Variants in MTHFD2L observed in about 807,000 individuals in gnomAD.
MTHFD2L encodes bifunctional methylenetetrahydrofolate dehydrogenase/cyclohydrolase 2, mitochondrial.
A neutral mutation model predicts 34.9 loss-of-function variants in MTHFD2L; 29 were observed. The observed-to-expected ratio is 0.83, with a 90% CI of 0.62 to 1.13. MTHFD2L has a LOEUF of 1.13. Among genes scored for constraint, MTHFD2L ranks in the 50% most tolerant of loss-of-function variants. The pLI, the probability that MTHFD2L is intolerant of heterozygous loss-of-function variation, is 0.00. For synonymous variants in MTHFD2L, 167 were observed against 155.7 expected, an observed-to-expected ratio of 1.07 and a Z score of -0.54; for missense variants, 481 against 446.5, an observed-to-expected ratio of 1.08 and a Z score of -0.70.
intron 7 of MTHFD2L, among the ~76,000 whole-genome samples, chr4:74,285,266 A>C (rs1748022899): frequency 6.6e-6 from 1 of 151,962 alleles, no homozygotes; most frequent in Non-Finnish European, 1.5e-5. Flanking sequence ...GGTGCAGCAC[A>C]CCCACATGGC....
intron 1 of MTHFD2L, among the ~76,000 whole-genome samples, chr4:74,164,032 C>G (rs376670132): frequency 1.3e-5 from 2 of 152,078 alleles, no homozygotes; most frequent in African/African-American, 2.4e-5. Context: ...CCCGCCACCA[C>G]GCCCGGCTAA....
At chr4:74,228,950 T>C (rs1271605209) in intron 6 of MTHFD2L, among the ~76,000 whole-genome samples, 2 of 152,184 alleles carry the variant, frequency 1.3e-5, no homozygotes, top group Non-Finnish European at 2.9e-5. Context: ...CCATACACCA[T>C]GCTAATACTA....
At chr4:74,209,708 C>T (rs1735975524) in intron 5 of MTHFD2L, among the ~76,000 whole-genome samples, 1 of 151,952 alleles carries the variant, frequency 6.6e-6, no homozygotes, top group East Asian at 1.9e-4. Context: ...GGGTATATAC[C>T]CAGTAATGGG....
At chr4:74,124,592 T>A (rs1476139828), upstream of MTHFD2L, among the ~76,000 whole-genome samples, 1 of 152,040 alleles carries the variant, frequency 6.6e-6, no homozygotes, top group Non-Finnish European at 1.5e-5. Flanking sequence ...GTCTTTCTAT[T>A]TGTAGCAACC....
At chr4:74,270,505 A>C (rs1002702664) in intron 6 of MTHFD2L, among the ~76,000 whole-genome samples, 5 of 152,032 alleles carry the variant, frequency 3.3e-5, no homozygotes, top group African/African-American at 4.8e-5. Context: ...TGAACTCATC[A>C]TTTTTTATGG....
intron 6 of MTHFD2L, chr4:74,242,200 A>AAAT (rs1560523098): frequency 2.0e-5 from 3 of 151,606 alleles, no homozygotes; most frequent in Non-Finnish European, 4.4e-5. Context: ...AAATAAGTAA[A>AAAT]AAAATAAAAA....
chr4:74,142,855 A>G (rs1251449802), intron 1 of MTHFD2L, among the ~76,000 whole-genome samples: 3 of 152,228 alleles, frequency 2.0e-5, no homozygotes, highest in Non-Finnish European at 4.4e-5. Flanking sequence ...CCTGAATCTT[A>G]GTAAAGATTC....
chr4:74,124,389 T>C (rs1368448367), upstream of MTHFD2L, among the ~76,000 whole-genome samples: 1 of 151,782 alleles, frequency 6.6e-6, no homozygotes, highest in Non-Finnish European at 1.5e-5. Context: ...ATAAATAACA[T>C]TATAGCATCA....
chr4:74,235,455 A>G (rs142057471), intron 6 of MTHFD2L, among the ~76,000 whole-genome samples: 1,541 of 152,218 alleles, frequency 0.01, 16 homozygotes, highest in Non-Finnish European at 0.017. Context: ...TTCAATGTGA[A>G]TGTGTTGAGT....
upstream of MTHFD2L, chr4:74,157,375 T>C (rs537289193): frequency 3.5e-6 from 1 of 289,390 alleles, no homozygotes; most frequent in Admixed American, 4.8e-5. Context: ...TGTGACTGTT[T>C]TTTGTGTGTC....
chr4:74,274,891 G>T (rs1484371444), intron 6 of MTHFD2L, among the ~76,000 whole-genome samples: 1 of 152,006 alleles, frequency 6.6e-6, no homozygotes, highest in Non-Finnish European at 1.5e-5. Context: ...TAGGGTGTGG[G>T]GGCAAAGTTG....
intron 3 of MTHFD2L, among the ~76,000 whole-genome samples, chr4:74,196,945 CAAA>C (rs571646612): frequency 3.2e-3 from 189 of 59,412 alleles, no homozygotes; most frequent in African/African-American, 0.01. Context: ...GACTCTGTCT[CAAA>C]AAAAAAAAAA....
At chr4:74,227,501 G>A (rs983156037) in intron 6 of MTHFD2L, among the ~76,000 whole-genome samples, 2 of 152,164 alleles carry the variant, frequency 1.3e-5, no homozygotes, top group East Asian at 3.9e-4. Context: ...ATTCCTGGGG[G>A]AAGAGCATCC....
intron 7 of MTHFD2L, among the ~76,000 whole-genome samples, chr4:74,299,389 C>T (rs537530066): frequency 1.3e-5 from 2 of 148,728 alleles, no homozygotes; most frequent in African/African-American, 2.6e-5. Context: ...GTAGTAGTAG[C>T]AGCAGCAGCA....
intron 6 of MTHFD2L, among the ~76,000 whole-genome samples, chr4:74,233,045 T>C (rs1342688194): frequency 6.6e-6 from 1 of 151,150 alleles, no homozygotes; most frequent in Non-Finnish European, 1.5e-5. Flanking sequence ...TTATTACTTA[T>C]ATTCTAAAAA....
intron 6 of MTHFD2L, among the ~76,000 whole-genome samples, chr4:74,227,927 A>G (rs1739426257): frequency 6.6e-6 from 1 of 152,182 alleles, no homozygotes; most frequent in Non-Finnish European, 1.5e-5. Context: ...ATTTGAACAC[A>G]TAGTTTCAAT....
intron 6 of MTHFD2L, among the ~76,000 whole-genome samples, chr4:74,257,630 A>T (rs1421718280): frequency 6.6e-6 from 1 of 152,202 alleles, no homozygotes; most frequent in Non-Finnish European, 1.5e-5. Flanking sequence ...AGCAAATATT[A>T]ACAGAACTGA....
intron 6 of MTHFD2L, among the ~76,000 whole-genome samples, chr4:74,246,081 T>G (rs1054384883): frequency 7.0e-6 from 1 of 142,160 alleles, no homozygotes; most frequent in African/African-American, 2.8e-5. Context: ...TGAACTAGTT[T>G]ACAGTCCCAC....
intron 7 of MTHFD2L, among the ~76,000 whole-genome samples, chr4:74,297,471 G>A (rs1200127651): frequency 6.6e-6 from 1 of 151,914 alleles, no homozygotes; most frequent in African/African-American, 2.4e-5. Flanking sequence ...CCCTTAAACA[G>A]ACACAAATAT....
Sources: gnomAD v4.1 joint callset for allele counts (sites outside exome capture counted in the v4.1 genomes callset) on GRCh38, gnomAD v4.1.1 for gene constraint, MANE v1.5 for transcripts, NCBI Gene and HGNC (gene_info 2026-07-23, HGNC 2026-07-21) for gene names.